PLD5: variants seen among roughly 807,000 people sequenced by gnomAD.
PLD5 encodes phospholipase D family member 5, also known as inactive phospholipase D5.
PLD5 carries 36 observed loss-of-function variants against 61.1 expected under a neutral mutation model. The observed-to-expected ratio is 0.59, with a 90% confidence interval of 0.45 to 0.78. The LOEUF is 0.78. Among genes scored for constraint, PLD5 ranks in the 30% least tolerant of loss-of-function variants. The probability of loss-of-function intolerance (pLI) is 0.00; values close to 1 mark genes in which losing one functional copy is unlikely to be tolerated. For missense variants in PLD5, 515 were observed against 644.4 expected (o/e 0.80, Z 2.17); for synonymous variants, 243 against 242.8 (o/e 1.00, Z -0.01).
intron 1 of PLD5, among the ~76,000 whole-genome samples, chr1:242,478,432 G>A (rs1234922028): frequency 1.1e-4 from 16 of 152,158 alleles, no homozygotes; most frequent in African/African-American, 3.9e-4. Context: ...GGAGAGAGGT[G>A]ACTGAGACCC....
At chr1:242,527,770 G>C (rs115879187), upstream of PLD5, among the ~76,000 whole-genome samples, 2,176 of 152,174 alleles carry the variant, frequency 0.014, 53 homozygotes, top group African/African-American at 0.05. Flanking sequence ...ACTGTTGTAG[G>C]GAAGAAAAAT....
intron 1 of PLD5, among the ~76,000 whole-genome samples, chr1:242,415,636 C>T (rs1446778936): frequency 6.6e-6 from 1 of 151,780 alleles, no homozygotes; most frequent in Non-Finnish European, 1.5e-5. Flanking sequence ...CCTCAGCCTC[C>T]TGAGTAGCTG....
intron 1 of PLD5, among the ~76,000 whole-genome samples, chr1:242,511,588 G>GAAA (rs33948487): frequency 1.3e-5 from 2 of 149,170 alleles, no homozygotes; most frequent in African/African-American, 2.5e-5. Context: ...GTCTAATGAT[G>GAAA]AAAAAAAAAA....
At chr1:242,302,074 C>A (rs1218374133) in intron 2 of PLD5, among the ~76,000 whole-genome samples, 3 of 152,246 alleles carry the variant, frequency 2.0e-5, no homozygotes, top group Non-Finnish European at 4.4e-5. Context: ...AGCCACTGCA[C>A]CCAGCCAACA....
intron 7 of PLD5, among the ~76,000 whole-genome samples, chr1:242,108,890 A>C (rs1041415724): frequency 5.9e-5 from 9 of 152,134 alleles, no homozygotes; most frequent in South Asian, 2.1e-4. Flanking sequence ...GATGCCTTCA[A>C]TCTGCCCGGT....
chr1:242,300,111 G>A (rs1290284898), intron 2 of PLD5, among the ~76,000 whole-genome samples: 1 of 152,186 alleles, frequency 6.6e-6, no homozygotes, highest in African/African-American at 2.4e-5. Flanking sequence ...AAGAATTTGT[G>A]AGCAGAGTGC....
chr1:242,222,772 T>G (rs1260364069), intron 4 of PLD5, among the ~76,000 whole-genome samples: 1 of 152,228 alleles, frequency 6.6e-6, no homozygotes, highest in African/African-American at 2.4e-5. Context: ...CAATTTAGCT[T>G]AGAAAGTTTG....
intron 1 of PLD5, among the ~76,000 whole-genome samples, chr1:242,498,842 ATT>A (rs1467698666): frequency 1.3e-5 from 2 of 152,234 alleles, no homozygotes; most frequent in East Asian, 3.8e-4. Flanking sequence ...GTTAGTAAAT[ATT>A]TGTCTAATAA....
chr1:242,524,266 C>T lies in PLD5; in HGVS notation c.11G>A (p.Arg4Gln). Residue 4 changes from arginine (R) to glutamine (Q), a missense_variant, in exon 1 of 10, where the codon CGG becomes CAG. Arg to Gln is a conservative substitution (Grantham distance 43). Transcript: ENST00000536534. MEI[R>Q]QHEWLSASPH... ...GGAGGCCGAGAGCCACTCGTGCTGC[C>T]GGATCTCCATCCTGACATGACCGGG... 1 of 1,481,320 alleles carries T rather than the reference C, an allele frequency of 6.8e-7. No homozygotes were observed. Among genetic ancestry groups the T allele is most frequent in the Non-Finnish European group, 8.9e-7 (1 of 1,120,264 alleles). The allele number at this position is 1,481,320 out of a possible 1,614,324, so 91.8% of individuals were successfully genotyped here.
intron 5 of PLD5, among the ~76,000 whole-genome samples, chr1:242,139,905 G>A (rs1664031701): frequency 6.6e-6 from 1 of 152,168 alleles, no homozygotes; most frequent in Non-Finnish European, 1.5e-5. Flanking sequence ...TGGCAGGGAA[G>A]ATTTCTGTCT....
At chr1:242,435,952 A>T (rs1238901904) in intron 1 of PLD5, among the ~76,000 whole-genome samples, 1 of 152,140 alleles carries the variant, frequency 6.6e-6, no homozygotes, top group Non-Finnish European at 1.5e-5. Flanking sequence ...AAAGAAAAAA[A>T]CTCCATTCAC....
intron 5 of PLD5, among the ~76,000 whole-genome samples, chr1:242,183,131 A>T (rs1667628623): frequency 6.6e-6 from 1 of 152,164 alleles, no homozygotes; most frequent in African/African-American, 2.4e-5. Context: ...TAAAAGTATG[A>T]TTTCTCCCAC....
intron 4 of PLD5, among the ~76,000 whole-genome samples, chr1:242,240,863 G>T (rs1448948483): frequency 6.6e-6 from 1 of 152,014 alleles, no homozygotes; most frequent in Non-Finnish European, 1.5e-5. Flanking sequence ...CTTTCTTCCT[G>T]GAGCACCTCA....
intron 1 of PLD5, among the ~76,000 whole-genome samples, chr1:242,399,904 C>T (rs1161231805): frequency 6.6e-6 from 1 of 152,174 alleles, no homozygotes; most frequent in Non-Finnish European, 1.5e-5. Flanking sequence ...CGTGGTGGCT[C>T]ACGCCTGTAA....
intron 2 of PLD5, among the ~76,000 whole-genome samples, chr1:242,343,595 A>ATGTC (rs1281084724): frequency 2.7e-5 from 4 of 150,740 alleles, no homozygotes; most frequent in Non-Finnish European, 5.9e-5. Context: ...AAAAGCCCTC[A>ATGTC]CCTCTTTTAC....
chr1:242,293,165 C>T (rs915758465), intron 2 of PLD5, among the ~76,000 whole-genome samples: 6 of 152,076 alleles, frequency 3.9e-5, no homozygotes, highest in African/African-American at 1.4e-4. Flanking sequence ...AGAGTCAAAG[C>T]CAAATGTGGA....
intron 3 of PLD5, among the ~76,000 whole-genome samples, chr1:242,281,669 A>T (rs181005493): frequency 1.8e-3 from 270 of 152,218 alleles, no homozygotes; most frequent in African/African-American, 6.2e-3. Flanking sequence ...ATGGAGAGGT[A>T]AAAAAAGGTA....
At chr1:242,148,413 G>T (rs1664693442) in intron 5 of PLD5, among the ~76,000 whole-genome samples, 1 of 151,072 alleles carries the variant, frequency 6.6e-6, no homozygotes, top group Non-Finnish European at 1.5e-5. Context: ...AGAAAATCAG[G>T]TAGTATGAGT....
At chr1:242,372,029 C>T (rs1277212944) in intron 1 of PLD5, among the ~76,000 whole-genome samples, 2 of 152,110 alleles carry the variant, frequency 1.3e-5, no homozygotes, top group African/African-American at 2.4e-5. Context: ...CCTCCCCACA[C>T]CCCCGCCCTG....
Sources: gnomAD v4.1 joint callset for allele counts (sites outside exome capture counted in the v4.1 genomes callset) on GRCh38, gnomAD v4.1.1 for gene constraint, MANE v1.5 for transcripts, NCBI Gene and HGNC (gene_info 2026-07-23, HGNC 2026-07-21) for gene names.